GAREM1: variants seen among roughly 807,000 people sequenced by gnomAD.
GAREM1 encodes the protein GRB2-associated and regulator of MAPK protein 1.
Under a neutral mutation model 71.3 loss-of-function variants are expected in GAREM1, and 26 were observed. That is an observed-to-expected ratio of 0.36 (90% CI 0.27 to 0.51). The LOEUF (loss-of-function observed/expected upper bound fraction) is 0.51. Ranked by LOEUF, GAREM1 falls within the 20% of genes least tolerant of loss-of-function variation. The probability of loss-of-function intolerance (pLI) is 0.95; values close to 1 mark genes in which losing one functional copy is unlikely to be tolerated. For missense variants in GAREM1, 1,026 were observed against 1,103.1 expected (o/e 0.93, Z 0.99); for synonymous variants, 440 against 433.2 (o/e 1.02, Z -0.20).
intron 2 of GAREM1, among the ~76,000 whole-genome samples, chr18:32,375,417 G>GTT (rs1402175294): frequency 6.6e-6 from 1 of 151,988 alleles, no homozygotes; most frequent in Non-Finnish European, 1.5e-5. Flanking sequence ...TTCTTCACAG[G>GTT]TTCGTTTGAG....
intron 1 of GAREM1, among the ~76,000 whole-genome samples, chr18:32,419,566 C>A (rs1270113277): frequency 6.6e-6 from 1 of 152,114 alleles, no homozygotes; most frequent in African/African-American, 2.4e-5. Flanking sequence ...TGCCAGCCTC[C>A]AGAACTGTGA....
intron 1 of GAREM1, among the ~76,000 whole-genome samples, chr18:32,430,251 A>C (rs1179033180): frequency 6.6e-6 from 1 of 152,214 alleles, no homozygotes; most frequent in Non-Finnish European, 1.5e-5. Flanking sequence ...CTCTTACCAA[A>C]TGAATCAACT....
At chr18:32,449,951 G>A (rs1224230069) in intron 1 of GAREM1, among the ~76,000 whole-genome samples, 2 of 152,086 alleles carry the variant, frequency 1.3e-5, no homozygotes, top group African/African-American at 4.8e-5. Flanking sequence ...CATTGGGCAG[G>A]CAAAGGCATA....
At chr18:32,357,471 A>G (rs1010984287) in intron 2 of GAREM1, among the ~76,000 whole-genome samples, 1 of 152,192 alleles carries the variant, frequency 6.6e-6, no homozygotes, top group African/African-American at 2.4e-5. Context: ...TGAGCTCTCC[A>G]ATGACAGAGA....
chr18:32,287,825 T>C lies in GAREM1; in HGVS notation c.772A>G (p.Asn258Asp). 1 of 1,613,864 alleles carries C rather than the reference T, an allele frequency of 6.2e-7. No homozygotes were observed. Among genetic ancestry groups the C allele is most frequent in the Non-Finnish European group, 8.5e-7 (1 of 1,179,960 alleles). ...NVTVPSPPPRNPYDLHFIREG... is the reference protein window; with the variant it reads ...NVTVPSPPPRDPYDLHFIREG... Reference sequence around the variant, plus strand: ...CGGATGAAGTGGAGGTCGTATGGGTTTCTCGGTGGAGGGCTTGGCACAGTC... The same window carrying C: ...CGGATGAAGTGGAGGTCGTATGGGTCTCTCGGTGGAGGGCTTGGCACAGTC... The change falls in exon 4 of 6, where the codon AAC becomes GAC. Residue 258 changes from asparagine to aspartate, a missense_variant. This residue lies in a region of GAREM1 where 218 missense variants were observed against 296.8 expected (regional missense o/e 0.73). Coordinates refer to ENST00000269209, the MANE Select transcript of GAREM1 (RefSeq NM_001242409.2). The surrounding 1 kb of genome is among the most constrained non-coding windows in gnomAD (Gnocchi z 5.9).
intron 3 of GAREM1, among the ~76,000 whole-genome samples, chr18:32,298,524 A>C (rs999341433): frequency 1.3e-5 from 2 of 151,948 alleles, no homozygotes; most frequent in Non-Finnish European, 2.9e-5. Context: ...TATCTAAACA[A>C]CTCTAATAGG....
intron 1 of GAREM1, among the ~76,000 whole-genome samples, chr18:32,442,653 C>T (rs1384835526): frequency 6.6e-6 from 1 of 152,158 alleles, no homozygotes; most frequent in Non-Finnish European, 1.5e-5. Context: ...ACTTTCAGCA[C>T]TTACAGCATA....
intron 1 of GAREM1, among the ~76,000 whole-genome samples, chr18:32,464,180 A>T (rs1231697880): frequency 1.3e-5 from 2 of 152,038 alleles, no homozygotes; most frequent in East Asian, 3.9e-4. Context: ...AAGCCCAGCT[A>T]CTTGGGAGGC....
chr18:32,420,911 A>C (rs1211984231), intron 1 of GAREM1, among the ~76,000 whole-genome samples: 1 of 152,196 alleles, frequency 6.6e-6, no homozygotes, highest in African/African-American at 2.4e-5. Context: ...GTTCTCACTT[A>C]TGCAGCAGCT....
chr18:32,348,427 T>C (rs2047716481), intron 2 of GAREM1, among the ~76,000 whole-genome samples: 1 of 152,056 alleles, frequency 6.6e-6, no homozygotes, highest in South Asian at 2.1e-4. Flanking sequence ...AAAGCCCACT[T>C]TAAAATTAAG....
At chr18:32,272,014 G>A (rs2041470005) in intron 4 of GAREM1, among the ~76,000 whole-genome samples, 1 of 152,096 alleles carries the variant, frequency 6.6e-6, no homozygotes, top group Admixed American at 6.6e-5. Flanking sequence ...CTACTTTTAG[G>A]CTATGTTCCC....
chr18:32,470,156 G>A lies in GAREM1; in HGVS notation c.121+152C>T. ...TGCTGGGGGGAGTTGAGAGCAACGC[G>A]CCAGGGCTGCGGCAGCCGCTCGGGC... On this transcript the variant is annotated intron_variant, in intron 1 of 5. Coordinates refer to ENST00000269209, the MANE Select transcript of GAREM1 (RefSeq NM_001242409.2). This position sits in a 1 kb window ranked among gnomAD's most constrained non-coding sequence, Gnocchi z 4.4. 1 of 941,362 alleles carries A rather than the reference G, an allele frequency of 1.1e-6. No homozygotes were observed. Among genetic ancestry groups the A allele is most frequent in the Non-Finnish European group, 1.4e-6 (1 of 709,856 alleles). 58.3% of individuals were successfully genotyped at this position (941,362 alleles called of 1,614,324 possible). A position where few individuals can be genotyped will look rare whatever the true frequency, so the allele number is the denominator to read the frequency against.
chr18:32,456,123 T>C (rs1267070391), intron 1 of GAREM1, among the ~76,000 whole-genome samples: 2 of 152,140 alleles, frequency 1.3e-5, no homozygotes, highest in African/African-American at 4.8e-5. Context: ...ATAAGAGACT[T>C]CTCTGTATAT....
chr18:32,417,357 C>T (rs987685650), intron 1 of GAREM1, among the ~76,000 whole-genome samples: 1 of 152,144 alleles, frequency 6.6e-6, no homozygotes, highest in Admixed American at 6.6e-5. Context: ...ATCCAGCAAT[C>T]CCACTGCTGG....
chr18:32,438,800 G>A (rs923287298), intron 1 of GAREM1, among the ~76,000 whole-genome samples: 4 of 152,144 alleles, frequency 2.6e-5, no homozygotes, highest in Admixed American at 2.0e-4. Context: ...AAACATTTAA[G>A]GGAATTGTCA....
chr18:32,396,773 C>A (rs564041498), intron 1 of GAREM1, among the ~76,000 whole-genome samples: 34 of 152,114 alleles, frequency 2.2e-4, no homozygotes, highest in South Asian at 1.5e-3. Flanking sequence ...CTAGCAAGGC[C>A]GGCCAACATT....
intron 2 of GAREM1, among the ~76,000 whole-genome samples, chr18:32,371,544 C>T (rs112460735): frequency 0.012 from 1,751 of 152,172 alleles, 16 homozygotes; most frequent in Non-Finnish European, 0.019. Context: ...GGGATGAAGT[C>T]GTGGGAGGGC....
intron 1 of GAREM1, among the ~76,000 whole-genome samples, chr18:32,468,838 G>A (rs1418531674): frequency 6.6e-6 from 1 of 152,042 alleles, no homozygotes; most frequent in African/African-American, 2.4e-5. Flanking sequence ...TTTTGGAGGA[G>A]GAAATGAAAC....
intron 1 of GAREM1, among the ~76,000 whole-genome samples, chr18:32,430,665 T>C (rs2048615269): frequency 6.6e-6 from 1 of 152,206 alleles, no homozygotes; most frequent in South Asian, 2.1e-4. Flanking sequence ...GGACATGACT[T>C]TGATGTAGCA....
Sources: gnomAD v4.1 joint callset for allele counts (sites outside exome capture counted in the v4.1 genomes callset) on GRCh38, gnomAD v4.1.1 for gene constraint, gnomAD v4.1.1 regional missense constraint, Gnocchi (gnomAD v3.1) non-coding constraint, MANE v1.5 for transcripts, NCBI Gene and HGNC (gene_info 2026-07-23, HGNC 2026-07-21) for gene names.